Variants in PIKFYVE observed in about 807,000 individuals in gnomAD.
PIKFYVE encodes the protein 1-phosphatidylinositol 3-phosphate 5-kinase.
PIKFYVE carries 122 observed loss-of-function variants against 257.9 expected under a neutral mutation model. That is an observed-to-expected ratio of 0.47 (90% CI 0.41 to 0.55). The LOEUF is 0.55. Ranked by LOEUF, PIKFYVE falls within the 20% of genes least tolerant of loss-of-function variation. The pLI, the probability that PIKFYVE is intolerant of heterozygous loss-of-function variation, is 0.00. For missense variants in PIKFYVE, 2,160 were observed against 2,536.6 expected, an observed-to-expected ratio of 0.85 and a Z score of 3.19; for synonymous variants, 892 against 868.9, an observed-to-expected ratio of 1.03 and a Z score of -0.47.
intron 1 of PIKFYVE, chr2:208,270,050 T>C: frequency 6.0e-6 from 1 of 167,056 alleles, no homozygotes; most frequent in East Asian, 1.6e-4. Flanking sequence ...TTTTTTTTTT[T>C]TTTTTTTTTG....
In PIKFYVE at chr2:208,288,737, A is replaced by T; in HGVS notation, c.830A>T (p.His277Leu). 6.2e-7 allele frequency: 1 copy of T among 1,613,972 alleles called. No homozygotes were observed. Among genetic ancestry groups the T allele is most frequent in the Non-Finnish European group, 8.5e-7 (1 of 1,179,940 alleles). The change falls in exon 7 of 42, where the codon CAT becomes CTT. Residue 277 changes from histidine (H) to leucine (L), a missense_variant. By Grantham distance (99) the His-to-Leu change is moderately conservative. This residue lies in a region of PIKFYVE where 187 missense variants were observed against 185.6 expected (regional missense o/e 1.01). Transcript: ENST00000264380. ...EDDLAWQSLIHPDSSNTPLST... is the reference protein window; with the variant it reads ...EDDLAWQSLILPDSSNTPLST... ...TCCTATTTTCTTTATAGTTTGATTC[A>T]TCCAGATTCCTCAAATACTCCTCTT...
At chr2:208,283,840 T>C (rs1283311583) in intron 5 of PIKFYVE, among the ~76,000 whole-genome samples, 1 of 152,186 alleles carries the variant, frequency 6.6e-6, no homozygotes, top group African/African-American at 2.4e-5. Flanking sequence ...TGCCTTGGCC[T>C]CCCAAAGTGT....
chr2:208,305,736 A>G (rs1411665583), intron 12 of PIKFYVE, among the ~76,000 whole-genome samples: 2 of 152,366 alleles, frequency 1.3e-5, no homozygotes, highest in East Asian at 3.9e-4. Flanking sequence ...TATTGGGTAT[A>G]ATTAAAAGCC....
At chr2:208,301,907 A>G (rs1651735840) in intron 9 of PIKFYVE, among the ~76,000 whole-genome samples, 1 of 152,152 alleles carries the variant, frequency 6.6e-6, no homozygotes, top group Non-Finnish European at 1.5e-5. Flanking sequence ...TATTAAAACT[A>G]AGCTCCTTGA....
At chr2:208,317,430 A>AT (rs11387246) in intron 15 of PIKFYVE, among the ~76,000 whole-genome samples, 139,884 of 150,566 alleles carry the variant, frequency 0.93, 65,485 homozygotes, top group Non-Finnish European at 0.98. Flanking sequence ...CCACAATGCG[A>AT]TTTTTTTTTT....
chr2:208,306,696 G>T (rs1474248712), intron 12 of PIKFYVE, among the ~76,000 whole-genome samples: 5 of 151,954 alleles, frequency 3.3e-5, no homozygotes, highest in African/African-American at 1.2e-4. Context: ...ACCCCAGATT[G>T]TATCTCCAAG....
At position 208,342,605 on chromosome 2, in the gene PIKFYVE, A is replaced by G. The variant is rs148284960; in HGVS notation, c.4983A>G (p.Ala1661=). 1.2e-6 allele frequency: 2 copies of G among 1,614,010 alleles called. No individual in the cohort carries two copies. Among genetic ancestry groups the G allele is most frequent in the African/African-American group, 1.3e-5 (1 of 75,038 alleles). The stretch of plus-strand genomic sequence containing the variant: ...ATGAACATGAACGAGTGCCCATTGC[A>G]GTCTGCGAGAAGGAACCCAGCTCCA... ...LMYEHERVPI[A]VCEKEPSSII... is the part of the protein sequence containing the mutation. Residue 1661 remains alanine (A), a synonymous_variant, in exon 32 of 42, where the codon GCA becomes GCG. Transcript: ENST00000264380.
chr2:208,269,492 C>A, intron 1 of PIKFYVE: 1 of 255,390 alleles, frequency 3.9e-6, no homozygotes, highest in South Asian at 4.9e-5. Flanking sequence ...CTGTTCCCCT[C>A]CTTGACTAAC....
chr2:208,305,230 G>C, intron 12 of PIKFYVE: 1 of 1,438,822 alleles, frequency 7.0e-7, no homozygotes, highest in South Asian at 1.4e-5. Flanking sequence ...GCACCACCAT[G>C]CCCAGTGTAA....
In PIKFYVE at chr2:208,296,202, ACCATGTTGG is replaced by A. The variant is rs1221658495; in HGVS notation, c.912-2435_912-2427del. ...GTATTTTTAATAGAGACAGAGTCTC[ACCATGTTGG>A]CCAGGCTGGTCTCAAACTCCTGACC... On this transcript the variant is annotated intron_variant, in intron 7 of 41. Coordinates refer to ENST00000264380, the MANE Select transcript of PIKFYVE (RefSeq NM_015040.4). 8.5e-5 allele frequency among the ~76,000 whole-genome samples: 13 copies of A among 152,208 alleles called. No homozygotes were observed. The East Asian group carries it at 2.5e-3, about 29-fold the overall frequency.
Position 208,266,309 on chromosome 2 carries a change from G to A in PIKFYVE, c.-116G>A, listed in dbSNP as rs1359801382. On this transcript the variant is annotated 5_prime_UTR_variant, in exon 1 of 42. Coordinates refer to ENST00000264380, the MANE Select transcript of PIKFYVE (RefSeq NM_015040.4). ...TCGCTTCCTGCCGCAACCGTCCGCG[G>A]CCTGAGGAGCCCACCGCCGCTCTCG... is the stretch of plus-strand genomic sequence containing the variant. 4 of 152,266 alleles carry A rather than the reference G, an allele frequency of 2.6e-5. No individual in the cohort carries two copies. The highest frequency in any genetic ancestry group is 5.9e-5 in the Non-Finnish European group (4 of 68,106). The allele number at this position is 152,266 out of a possible 1,614,324, so 9.4% of individuals were successfully genotyped here. A position where few individuals can be genotyped will look rare whatever the true frequency, so the allele number is the denominator to read the frequency against.
Position 208,323,726 on chromosome 2 carries a change from A to G in PIKFYVE, c.2191-416A>G, listed in dbSNP as rs567581751. ...GTTGAACTAGTTTACAGTCCCACCA[A>G]CAGTGTAAAAGTGTTCCTATTTCTC... On this transcript the variant is annotated intron_variant, in intron 17 of 41. Coordinates refer to ENST00000264380, the MANE Select transcript of PIKFYVE (RefSeq NM_015040.4). Among the ~76,000 whole-genome samples, 10 of 152,364 alleles carry G rather than the reference A, an allele frequency of 6.6e-5. No individual in the cohort carries two copies. In the East Asian group the frequency reaches 1.5e-3, roughly 24 times the overall value.
intron 1 of PIKFYVE, among the ~76,000 whole-genome samples, chr2:208,267,814 C>G (rs1387510544): frequency 2.6e-5 from 4 of 151,444 alleles, no homozygotes; most frequent in African/African-American, 9.7e-5. Flanking sequence ...GGTCTCCCTC[C>G]CTCGCCCAGG....
chr2:208,306,242 A>G (rs1423856346), intron 12 of PIKFYVE, among the ~76,000 whole-genome samples: 2 of 152,358 alleles, frequency 1.3e-5, no homozygotes, highest in Middle Eastern at 3.4e-3. Flanking sequence ...CTTTATGGAA[A>G]TCCTCAAAAC....
At chr2:208,349,128 A>G (rs1404844306) in intron 35 of PIKFYVE, among the ~76,000 whole-genome samples, 1 of 152,078 alleles carries the variant, frequency 6.6e-6, no homozygotes, top group East Asian at 1.9e-4. Flanking sequence ...GCGCCATTGC[A>G]CTCCTGCCTG....
intron 7 of PIKFYVE, among the ~76,000 whole-genome samples, chr2:208,295,545 C>A (rs1692857662): frequency 6.6e-6 from 1 of 152,150 alleles, no homozygotes; most frequent in African/African-American, 2.4e-5. Context: ...AGAGGATAGA[C>A]CAGTTGTTTA....
In PIKFYVE at chr2:208,339,419, G is replaced by A. The variant is rs1458794744; in HGVS notation, c.4674G>A (p.Glu1558=). ...ISPGLQNGEK[E]DRFLTTLSSQ... Reference sequence around the variant, plus strand: ...ATTTAAGATTGTGTTTTTCTTTAGAGGATCGCTTCTTAACAACTTTGTCCA... The same window carrying A: ...ATTTAAGATTGTGTTTTTCTTTAGAAGATCGCTTCTTAACAACTTTGTCCA... Residue 1558 remains glutamate (E), a splice_region_variant and synonymous_variant, in exon 30 of 42, where the codon GAG becomes GAA. Transcript: ENST00000264380. The A allele has an allele frequency of 2.5e-6, 4 of 1,614,010 alleles. No homozygotes were observed. In the African/African-American group the frequency reaches 5.3e-5, roughly 22 times the overall value.
chr2:208,351,068 C>CA, intron 37 of PIKFYVE, 121 bp downstream of exon 37: 2 of 1,312,812 alleles, frequency 1.5e-6, no homozygotes, highest in Non-Finnish European at 2.1e-6. Flanking sequence ...CTAGTTTTAA[C>CA]AGAGGTGTTT....
intron 38 of PIKFYVE, among the ~76,000 whole-genome samples, chr2:208,351,821 C>T (rs763164021): frequency 1.2e-4 from 18 of 152,158 alleles, no homozygotes; most frequent in Non-Finnish European, 1.9e-4. Context: ...ACTGCAAGGA[C>T]GGCACCAAGC....
Sources: allele counts gnomAD v4.1 joint callset (sites outside exome capture counted in the v4.1 genomes callset), GRCh38; gene constraint gnomAD v4.1.1; regional missense constraint gnomAD v4.1.1; transcripts MANE v1.5; gene names NCBI Gene and HGNC (gene_info 2026-07-23, HGNC 2026-07-21).